DCDC2B: variants seen among roughly 807,000 people sequenced by gnomAD.
DCDC2B encodes doublecortin domain containing 2B.
Under a neutral mutation model 38.9 loss-of-function variants are expected in DCDC2B, and 41 were observed. The observed-to-expected ratio is 1.05, with a 90% CI of 0.82 to 1.37. DCDC2B has a LOEUF of 1.37. DCDC2B is among the 40% of genes most tolerant of loss of function. The probability of loss-of-function intolerance (pLI) is 0.00; values close to 1 mark genes in which losing one functional copy is unlikely to be tolerated. For missense variants in DCDC2B, 453 were observed against 427.2 expected (o/e 1.06, Z -0.53); for synonymous variants, 181 against 171.9 (o/e 1.05, Z -0.41).
At chr1:32,212,846 A>C in intron 6 of DCDC2B, 53 bp downstream of exon 6, 1 of 1,594,138 alleles carries the variant, frequency 6.3e-7, no homozygotes, top group Non-Finnish European at 8.6e-7. Context: ...TGACTGGCTG[A>C]CAACTCTTCT....
Position 32,212,500 on chromosome 1 carries a change from C to A in DCDC2B, c.538C>A (p.Leu180Ile), listed in dbSNP as rs954325214. Residue 180 changes from leucine to isoleucine, a missense_variant, in exon 5 of 9, where the codon CTA (leucine) becomes ATA (isoleucine). Transcript: ENST00000409358. ...QSGAVCKLCT[L>I]EGLPLSAGKE... ...ACCTCTCTCTCCCAGACTCTGCACCCTAGAGGGGCTCCCACTGTCAGCAGG... is the reference window on the plus strand; with the variant it reads ...ACCTCTCTCTCCCAGACTCTGCACCATAGAGGGGCTCCCACTGTCAGCAGG... 6.2e-7 allele frequency: 1 copy of A among 1,613,964 alleles called. No individual in the cohort carries two copies. The highest frequency in any genetic ancestry group is 1.7e-5 in the Admixed American group (1 of 60,018).
chr1:32,212,715 C>T lies in DCDC2B; in HGVS notation c.675-39C>T, dbSNP rs753771672. 3 of 1,613,492 alleles carry T rather than the reference C, an allele frequency of 1.9e-6. No homozygotes were observed. The South Asian group carries it at 3.3e-5, about 18-fold the overall frequency. ...TGGGTCTGTGTGCTTTGACTCTATG[C>T]CCTCTGCCCACTACAAGCCTTTCCT... On this transcript the variant is annotated intron_variant, in intron 5 of 8. Coordinates refer to ENST00000409358, the MANE Select transcript of DCDC2B (RefSeq NM_001099434.2).
At chr1:32,212,904 TC>T (rs1557531848) in intron 6 of DCDC2B, 111 bp downstream of exon 6, 41 of 1,327,718 alleles carry the variant, frequency 3.1e-5, no homozygotes, top group Admixed American at 1.3e-4. Context: ...TTTTTCTTTT[TC>T]TTTGAGACAG....
Position 32,214,679 on chromosome 1 carries a change from C to T in DCDC2B, c.715-118C>T, listed in dbSNP as rs574295561. 85 of 1,420,712 alleles carry T rather than the reference C, an allele frequency of 6.0e-5. No homozygotes were observed. In the Middle Eastern group the frequency reaches 7.3e-4, roughly 12 times the overall value. 88.0% of individuals were successfully genotyped at this position (1,420,712 alleles called of 1,614,324 possible). A position where few individuals can be genotyped will look rare whatever the true frequency, so the allele number is the denominator to read the frequency against. On this transcript the variant is annotated intron_variant, in intron 6 of 8. Coordinates refer to ENST00000409358, the MANE Select transcript of DCDC2B (RefSeq NM_001099434.2). ...GGAGGACGTACTTTGTGAAGACAGACGGTGTCTCCTCTGCCATGTTCCTGC... is the reference window on the plus strand; with the variant it reads ...GGAGGACGTACTTTGTGAAGACAGATGGTGTCTCCTCTGCCATGTTCCTGC...
intron 1 of DCDC2B, among the ~76,000 whole-genome samples, chr1:32,209,962 G>A (rs529953241): frequency 4.6e-5 from 7 of 152,304 alleles, no homozygotes; most frequent in African/African-American, 1.7e-4. Context: ...GGAGGCCAAG[G>A]CGGGTGGATC....
intron 4 of DCDC2B, 46 bp downstream of exon 4, chr1:32,212,247 T>C: frequency 6.3e-7 from 1 of 1,599,548 alleles, no homozygotes; most frequent in Admixed American, 1.7e-5. Flanking sequence ...AAAGAGAGCC[T>C]CGCCACTGGC....
Position 32,209,310 on chromosome 1 carries a change from A to AT in DCDC2B, c.217_218insT (p.Asn73IlefsTer11). 1 of 1,613,982 alleles carries AT rather than the reference A, an allele frequency of 6.2e-7. No homozygotes were observed. The highest frequency in any genetic ancestry group is 8.5e-7 in the Non-Finnish European group (1 of 1,179,888). On this transcript the variant is annotated frameshift_variant, in exon 1 of 9. Coordinates refer to ENST00000409358, the MANE Select transcript of DCDC2B (RefSeq NM_001099434.2). LOFTEE classifies it high-confidence loss of function. ...TGTCACCAACCTGGCAGACTTGAAG[A>AT]ACAGAGGGCAGTATGTGGCCGCTGG... is the stretch of plus-strand genomic sequence containing the variant.
chr1:32,211,750 A>G lies in DCDC2B; in HGVS notation c.319-11A>G, dbSNP rs777863878. 7 of 1,600,982 alleles carry G rather than the reference A, an allele frequency of 4.4e-6. No individual in the cohort carries two copies. The highest frequency in any genetic ancestry group is 4.0e-5 in the African/African-American group (3 of 74,740). ...AACTCTCCTGATTTGGAGGCCTGAC[A>G]TGGGTTTCAGGGTCCTCCCGTGACT... On this transcript the variant is annotated splice_polypyrimidine_tract_variant and intron_variant, in intron 2 of 8. Coordinates refer to ENST00000409358, the MANE Select transcript of DCDC2B (RefSeq NM_001099434.2).
intron 6 of DCDC2B, among the ~76,000 whole-genome samples, chr1:32,213,159 G>A (rs1337242171): frequency 1.3e-5 from 2 of 152,126 alleles, no homozygotes; most frequent in East Asian, 3.9e-4. Context: ...GCCTCCCAAA[G>A]TGCTGGGATT....
Position 32,215,951 on chromosome 1 carries a change from C to A in DCDC2B, c.*54C>A. 7.0e-7 allele frequency: 1 copy of A among 1,418,560 alleles called. No homozygotes were observed. Among genetic ancestry groups the A allele is most frequent in the South Asian group, 1.2e-5 (1 of 80,966 alleles). The allele number at this position is 1,418,560 out of a possible 1,614,324, so 87.9% of individuals were successfully genotyped here. ...GACCACTACTCTGGCCACCTTTTGT[C>A]CTTAGCCTCCAGCAGCTTGTTCCTC... On this transcript the variant is annotated 3_prime_UTR_variant, in exon 9 of 9. Transcript: ENST00000409358.
chr1:32,211,747 G>T lies in DCDC2B; in HGVS notation c.319-14G>T. 6.3e-7 allele frequency: 1 copy of T among 1,598,922 alleles called. No homozygotes were observed. The highest frequency in any genetic ancestry group is 8.5e-7 in the Non-Finnish European group (1 of 1,173,024). ...CCCAACTCTCCTGATTTGGAGGCCT[G>T]ACATGGGTTTCAGGGTCCTCCCGTG... is the stretch of plus-strand genomic sequence containing the variant. On this transcript the variant is annotated splice_polypyrimidine_tract_variant and intron_variant, in intron 2 of 8. Coordinates refer to ENST00000409358, the MANE Select transcript of DCDC2B (RefSeq NM_001099434.2).
chr1:32,209,348 C>G lies in DCDC2B; in HGVS notation c.255C>G (p.Phe85Leu), dbSNP rs757131404. The change falls in exon 1 of 9, where the codon TTC becomes TTG. Residue 85 changes from phenylalanine to leucine, a missense_variant. Physicochemically the swap from Phe to Leu is conservative, Grantham distance 22. Coordinates refer to ENST00000409358, the MANE Select transcript of DCDC2B (RefSeq NM_001099434.2). ...ATGTGGCCGCTGGATTTGAACGATTCCACAAGCTCCAGTGAGTGGGCTGGG... is the reference window on the plus strand; with the variant it reads ...ATGTGGCCGCTGGATTTGAACGATTGCACAAGCTCCAGTGAGTGGGCTGGG... ...GQYVAAGFER[F>L]HKLHYLPHRG... 6.2e-7 allele frequency: 1 copy of G among 1,613,830 alleles called. No homozygotes were observed. The highest frequency in any genetic ancestry group is 8.5e-7 in the Non-Finnish European group (1 of 1,179,782).
At chr1:32,215,767 C>G (rs565494106) in intron 8 of DCDC2B, 35 bp from the exon 9 acceptor site, 1 of 1,480,856 alleles carries the variant, frequency 6.8e-7, no homozygotes, top group South Asian at 1.3e-5. Context: ...GCCATACTCA[C>G]GGCTCCATTC....
Position 32,212,884 on chromosome 1 carries a change from C to T in DCDC2B, c.714+91C>T, listed in dbSNP as rs934457498. On this transcript the variant is annotated intron_variant, in intron 6 of 8. Transcript: ENST00000409358. Reference sequence around the variant, plus strand: ...CACAGGCTCTGACCTTATTTCACTGCATCCTCTCTTTTTTCTTTTTCTTTG... The same window carrying T: ...CACAGGCTCTGACCTTATTTCACTGTATCCTCTCTTTTTTCTTTTTCTTTG... The T allele has an allele frequency of 6.4e-6, 9 of 1,413,248 alleles. No individual in the cohort carries two copies. The Admixed American group carries it at 1.2e-4, about 19-fold the overall frequency. 87.5% of individuals were successfully genotyped at this position (1,413,248 alleles called of 1,614,324 possible). A position where few individuals can be genotyped will look rare whatever the true frequency, so the allele number is the denominator to read the frequency against.
At chr1:32,210,056 G>A (rs1643517461) in intron 1 of DCDC2B, among the ~76,000 whole-genome samples, 3 of 152,120 alleles carry the variant, frequency 2.0e-5, no homozygotes, top group Admixed American at 2.0e-4. Context: ...GGCCAGGCAC[G>A]ATGGCTCACA....
At chr1:32,212,330 TG>T in intron 4 of DCDC2B, 129 bp downstream of exon 4, 1 of 1,531,822 alleles carries the variant, frequency 6.5e-7, no homozygotes, top group Non-Finnish European at 8.9e-7. Context: ...CCTATGCCAC[TG>T]GGAGAGGGCC....
At position 32,212,799 on chromosome 1, in the gene DCDC2B, T is replaced by C; in HGVS notation, c.714+6T>C. The C allele has an allele frequency of 6.2e-7, 1 of 1,613,344 alleles. No individual in the cohort carries two copies. The highest frequency in any genetic ancestry group is 8.5e-7 in the Non-Finnish European group (1 of 1,179,826). On this transcript the variant is annotated splice_donor_region_variant and intron_variant, in intron 6 of 8. Transcript: ENST00000409358. ...CTAGGCCCCACAGGCAGGGGGTAGGTGACGCAGGGGACAATGAGGGGTGGG... is the reference window on the plus strand; with the variant it reads ...CTAGGCCCCACAGGCAGGGGGTAGGCGACGCAGGGGACAATGAGGGGTGGG...
At chr1:32,210,334 A>G (rs958013745) in intron 1 of DCDC2B, among the ~76,000 whole-genome samples, 1 of 150,834 alleles carries the variant, frequency 6.6e-6, no homozygotes, top group Non-Finnish European at 1.5e-5. Flanking sequence ...CTAAAAAAAA[A>G]AAAAAAAAAA....
intron 7 of DCDC2B, 34 bp downstream of exon 7, chr1:32,214,966 C>A (rs753971673): frequency 6.2e-7 from 1 of 1,612,450 alleles, no homozygotes. Flanking sequence ...CCCTTCTCAG[C>A]TGCCCTTTGA....
Sources: gnomAD v4.1 joint callset for allele counts (sites outside exome capture counted in the v4.1 genomes callset) on GRCh38, gnomAD v4.1.1 for gene constraint, MANE v1.5 for transcripts, NCBI Gene and HGNC (gene_info 2026-07-23, HGNC 2026-07-21) for gene names.